The following TBCD variants were observed in gnomAD, a reference collection of about 807,000 sequenced individuals.
TBCD encodes the protein tubulin folding cofactor D, also known as tubulin-specific chaperone D.
A neutral mutation model predicts 169.3 loss-of-function variants in TBCD; 105 were observed. The ratio of observed to expected loss-of-function variants is 0.62; its 90% CI spans 0.53 to 0.73. The LOEUF (loss-of-function observed/expected upper bound fraction) is 0.73, where lower values mean the gene tolerates loss of function less well. TBCD is among the 30% of genes least tolerant of loss of function. TBCD has a pLI of 0.00. For synonymous variants in TBCD, 700 were observed against 643.9 expected, an observed-to-expected ratio of 1.09 and a Z score of -1.32; for missense variants, 1,444 against 1,600.1, an observed-to-expected ratio of 0.90 and a Z score of 1.66.
chr17:82,819,870 C>T (rs990943549), intron 13 of TBCD, among the ~76,000 whole-genome samples: 1 of 152,106 alleles, frequency 6.6e-6, no homozygotes, highest in Non-Finnish European at 1.5e-5. Context: ...AGGAGGTGGG[C>T]ACTCCTCACC....
chr17:82,828,401 CGAA>C (rs2053129396), intron 13 of TBCD, among the ~76,000 whole-genome samples: 1 of 147,958 alleles, frequency 6.8e-6, no homozygotes, highest in African/African-American at 2.5e-5. Flanking sequence ...CACACCCAAT[CGAA>C]TGCACACACA....
intron 12 of TBCD, among the ~76,000 whole-genome samples, chr17:82,811,246 T>C (rs1242151503): frequency 6.6e-6 from 1 of 152,238 alleles, no homozygotes. Flanking sequence ...CCTGTGCCTG[T>C]CTGGACTTTG....
chr17:82,850,052 TGTTGGCTGTG>T (rs1200025335), intron 13 of TBCD, among the ~76,000 whole-genome samples: 1,470 of 44,264 alleles, frequency 0.033, 249 homozygotes, highest in Middle Eastern at 0.054. Flanking sequence ...GCTGTGCTGT[TGTTGGCTGTG>T]CTGCTGTTGG....
At chr17:82,787,256 A>G (rs1182557540) in intron 7 of TBCD, among the ~76,000 whole-genome samples, 2 of 152,234 alleles carry the variant, frequency 1.3e-5, no homozygotes, top group African/African-American at 4.8e-5. Context: ...AGAACTATTC[A>G]GAGATTTGCC....
At chr17:82,788,475 C>T (rs111468670) in intron 7 of TBCD, among the ~76,000 whole-genome samples, 9,383 of 152,094 alleles carry the variant, frequency 0.062, 676 homozygotes, top group African/African-American at 0.18. Context: ...TTCCCCTTAT[C>T]GGCTGTTAGG....
chr17:82,752,456 C>T, intron 1 of TBCD, 79 bp downstream of exon 1: 1 of 1,105,302 alleles, frequency 9.0e-7, no homozygotes, highest in East Asian at 4.2e-5. Flanking sequence ...CGGGCGGGGA[C>T]CGCAGCCCGG....
intron 9 of TBCD, among the ~76,000 whole-genome samples, chr17:82,802,828 G>A (rs77427875): frequency 0.02 from 3,087 of 152,348 alleles, 126 homozygotes; most frequent in African/African-American, 0.07. Context: ...ATGAAATAGC[G>A]GGGCGCCCCA....
Position 82,930,772 on chromosome 17 carries a change from C to A in TBCD, c.3113+129C>A, listed in dbSNP as rs1446537871. ...AGGGAGAAGCGAGACACACGCTGTA[C>A]CAGTTGGTGGCTCAGCGAGGAAGAT... On this transcript the variant is annotated intron_variant, in intron 33 of 38. Transcript: ENST00000355528. This position sits in a 1 kb window ranked among gnomAD's most constrained non-coding sequence, Gnocchi z 5.2. The A allele has an allele frequency of 2.1e-6, 3 of 1,424,150 alleles. No homozygotes were observed. In the African/African-American group the frequency reaches 4.2e-5, roughly 20 times the overall value. 88.2% of individuals were successfully genotyped at this position (1,424,150 alleles called of 1,614,324 possible). A position where few individuals can be genotyped will look rare whatever the true frequency, so the allele number is the denominator to read the frequency against.
intron 13 of TBCD, among the ~76,000 whole-genome samples, chr17:82,823,008 T>G (rs2052538145): frequency 6.6e-6 from 1 of 152,104 alleles, no homozygotes; most frequent in Non-Finnish European, 1.5e-5. Context: ...TCAGAAGGGA[T>G]ATTTTATAGG....
chr17:82,795,591 C>G (rs531743233), intron 7 of TBCD: 2 of 985,588 alleles, frequency 2.0e-6, no homozygotes, highest in African/African-American at 1.7e-5. Flanking sequence ...CGGTGGTGCT[C>G]TTTGCCTGTA....
At position 82,942,649 on chromosome 17, in the gene TBCD, C is replaced by T. The variant is rs1027444848; in HGVS notation, c.*186C>T. 1.5e-5 allele frequency: 10 copies of T among 683,692 alleles called. No homozygotes were observed. Among genetic ancestry groups the T allele is most frequent in the African/African-American group, 3.6e-5 (2 of 55,250 alleles). The allele number at this position is 683,692 out of a possible 1,614,324, so 42.4% of individuals were successfully genotyped here. The stretch of plus-strand genomic sequence containing the variant: ...CTGCGCTCTGGTGACTTGGGGTGGA[C>T]GCCTCTGCCTTCACTTGAACACAAA... On this transcript the variant is annotated 3_prime_UTR_variant, in exon 39 of 39. Transcript: ENST00000355528.
chr17:82,866,915 C>T (rs1279688967), intron 13 of TBCD, among the ~76,000 whole-genome samples: 1 of 152,206 alleles, frequency 6.6e-6, no homozygotes, highest in African/African-American at 2.4e-5. Flanking sequence ...TCTGGCTGGA[C>T]CTCCTAGGCC....
At chr17:82,791,248 C>T (rs770622245) in intron 7 of TBCD, among the ~76,000 whole-genome samples, 6 of 152,012 alleles carry the variant, frequency 3.9e-5, no homozygotes, top group South Asian at 2.1e-4. Flanking sequence ...CCCTCCACCA[C>T]GCCTGGCTAA....
Position 82,941,419 on chromosome 17 carries a change from TGA to T in TBCD, c.3506_3507del (p.Glu1169AlafsTer7). 6.3e-7 allele frequency: 1 copy of T among 1,598,916 alleles called. No individual in the cohort carries two copies. ...CACAGGGACGCGGAGCTTGCAGTGG[TGA>T]GAGAGCAGCGCAACCGTCTGTGTGA... On this transcript the variant is annotated frameshift_variant, in exon 38 of 39. Coordinates refer to ENST00000355528, the MANE Select transcript of TBCD (RefSeq NM_005993.5). LOFTEE classifies it high-confidence loss of function.
intron 13 of TBCD, among the ~76,000 whole-genome samples, chr17:82,866,691 G>GCAGAGGCCC (rs529534828): frequency 0.022 from 3,360 of 152,280 alleles, 138 homozygotes; most frequent in African/African-American, 0.077. Flanking sequence ...TGCCACCTGG[G>GCAGAGGCCC]CAGAGGCCCC....
intron 7 of TBCD, among the ~76,000 whole-genome samples, chr17:82,794,841 G>A (rs2049988356): frequency 6.6e-6 from 1 of 152,254 alleles, no homozygotes; most frequent in African/African-American, 2.4e-5. Context: ...CCAGGAGGCT[G>A]CCTGTGTAAT....
chr17:82,801,121 G>A (rs979493004), intron 9 of TBCD, 125 bp downstream of exon 9: 10 of 378,274 alleles, frequency 2.6e-5, no homozygotes, highest in Admixed American at 6.7e-5. Context: ...GGAGGCAGTC[G>A]CCCTGTTGCG....
rs536967295 is a variant in TBCD, at chr17:82,927,716, T to A, written c.2610-189T>A. 3.3e-5 allele frequency among the ~76,000 whole-genome samples: 5 copies of A among 152,242 alleles called. No homozygotes were observed. In the South Asian group the frequency reaches 1.0e-3, roughly 32 times the overall value. On this transcript the variant is annotated intron_variant, in intron 29 of 38. Coordinates refer to ENST00000355528, the MANE Select transcript of TBCD (RefSeq NM_005993.5). ...CCCGGTGTGTGTGGCTGTGGGTGGC[T>A]CCCTGCACACGTCCCTGTAGCGCAC...
In TBCD at chr17:82,921,594, C is replaced by T. The variant is rs1294364912; in HGVS notation, c.2178+17C>T. On this transcript the variant is annotated intron_variant, in intron 25 of 38. Transcript: ENST00000355528. Reference sequence around the variant, plus strand: ...CAGATGAAGGTACAGTGAGCATGGGCGTTCCCGGCCGGCGCTGTGGCGGTG... The same window carrying T: ...CAGATGAAGGTACAGTGAGCATGGGTGTTCCCGGCCGGCGCTGTGGCGGTG... The T allele has an allele frequency of 1.2e-6, 2 of 1,612,628 alleles. No homozygotes were observed. The highest frequency in any genetic ancestry group is 2.2e-5 in the East Asian group (1 of 44,878).
Sources: allele counts gnomAD v4.1 joint callset (sites outside exome capture counted in the v4.1 genomes callset), GRCh38; gene constraint gnomAD v4.1.1; non-coding constraint Gnocchi (gnomAD v3.1); transcripts MANE v1.5; gene names NCBI Gene and HGNC (gene_info 2026-07-23, HGNC 2026-07-21).